Variants in NRCAM observed in about 807,000 individuals in gnomAD.
NRCAM encodes the protein NgCAM-related cell adhesion molecule.
NRCAM carries 83 observed loss-of-function variants against 156.5 expected under a neutral mutation model. The ratio of observed to expected loss-of-function variants is 0.53; its 90% CI spans 0.44 to 0.64. NRCAM has a LOEUF of 0.64. NRCAM is among the 30% of genes least tolerant of loss of function. The pLI is 0.00. For missense variants in NRCAM, 1,417 were observed against 1,597.3 expected (o/e 0.89, Z 1.92); for synonymous variants, 538 against 563.9 (o/e 0.95, Z 0.65).
At chr7:108,177,634 T>C (rs1485057589) in intron 26 of NRCAM, among the ~76,000 whole-genome samples, 1 of 10,122 alleles carries the variant, frequency 9.9e-5, no homozygotes, top group African/African-American at 4.6e-4. Flanking sequence ...AATATATATA[T>C]ATATATATAT....
At chr7:108,400,735 G>C (rs941933859) in intron 1 of NRCAM, among the ~76,000 whole-genome samples, 2 of 152,080 alleles carry the variant, frequency 1.3e-5, no homozygotes, top group African/African-American at 4.8e-5. Context: ...GGAACTCAGA[G>C]TCAAGAGGTA....
chr7:108,371,788 A>G (rs891468249), intron 2 of NRCAM, among the ~76,000 whole-genome samples: 2 of 152,098 alleles, frequency 1.3e-5, no homozygotes, highest in Non-Finnish European at 2.9e-5. Flanking sequence ...TTTACTTGTT[A>G]ATATTACCCA....
At chr7:108,277,821 T>C (rs951747891) in intron 3 of NRCAM, among the ~76,000 whole-genome samples, 4 of 152,224 alleles carry the variant, frequency 2.6e-5, no homozygotes, top group African/African-American at 2.4e-5. Flanking sequence ...AGAGGCCTTC[T>C]GGTTTTTGGA....
intron 1 of NRCAM, among the ~76,000 whole-genome samples, chr7:108,424,857 T>C (rs1412077668): frequency 6.6e-6 from 1 of 152,206 alleles, no homozygotes; most frequent in Non-Finnish European, 1.5e-5. Context: ...AAATATACAT[T>C]ACATTAGTGT....
rs1832407942 is a variant in NRCAM, at chr7:108,436,517, A to G, written c.-332+19726T>C. Among the ~76,000 whole-genome samples, 3 of 152,244 alleles carry G rather than the reference A, an allele frequency of 2.0e-5. No individual in the cohort carries two copies. In the South Asian group the frequency reaches 6.2e-4, roughly 32 times the overall value. ...GGTTGTAGGTTAATTTCTTGGGAAT[A>G]GATTCCAGATTCTTTATGAATTTGC... On this transcript the variant is annotated intron_variant, in intron 1 of 32. Coordinates refer to ENST00000379028, the MANE Select transcript of NRCAM (RefSeq NM_001037132.4).
intron 2 of NRCAM, among the ~76,000 whole-genome samples, chr7:108,364,741 GAC>G (rs1294692560): frequency 5.4e-5 from 7 of 128,974 alleles, no homozygotes; most frequent in Non-Finnish European, 9.6e-5. Flanking sequence ...AAAAAAAAAA[GAC>G]AGTTAAAAAA....
intron 2 of NRCAM, among the ~76,000 whole-genome samples, chr7:108,361,512 T>C (rs913536108): frequency 6.6e-6 from 1 of 152,228 alleles, no homozygotes; most frequent in Non-Finnish European, 1.5e-5. Flanking sequence ...GAATTCTTCC[T>C]GTCTGACAGT....
intron 2 of NRCAM, among the ~76,000 whole-genome samples, chr7:108,347,100 C>T (rs1350612654): frequency 3.2e-5 from 4 of 123,250 alleles, no homozygotes; most frequent in African/African-American, 1.2e-4. Context: ...TGCAGTGGTG[C>T]AATCTCGGCT....
intron 4 of NRCAM, 51 bp downstream of exon 4, chr7:108,239,908 C>T (rs1035602715): frequency 3.6e-6 from 4 of 1,109,254 alleles, no homozygotes; most frequent in Non-Finnish European, 5.5e-6. Context: ...ATGATAAATG[C>T]TGGGAGGCTT....
intron 2 of NRCAM, among the ~76,000 whole-genome samples, chr7:108,339,457 C>T (rs182524972): frequency 6.6e-6 from 1 of 152,274 alleles, no homozygotes; most frequent in East Asian, 1.9e-4. Context: ...TACTTAAGAA[C>T]TGTTTATGGG....
chr7:108,342,674 G>T (rs907135256), intron 2 of NRCAM, among the ~76,000 whole-genome samples: 1 of 152,214 alleles, frequency 6.6e-6, no homozygotes, highest in Non-Finnish European at 1.5e-5. Context: ...CAGGTCCAAG[G>T]GACAAGCCTG....
At chr7:108,318,512 G>C (rs2098959673) in intron 2 of NRCAM, among the ~76,000 whole-genome samples, 1 of 152,152 alleles carries the variant, frequency 6.6e-6, no homozygotes, top group African/African-American at 2.4e-5. Context: ...GTAATATCAG[G>C]AACGTTCCAC....
rs528070997 is a variant in NRCAM at position 108,168,070 on chromosome 7, T to C, written c.3313+207A>G. 4.6e-5 allele frequency among the ~76,000 whole-genome samples: 7 copies of C among 152,354 alleles called. No individual in the cohort carries two copies. The East Asian group carries it at 1.3e-3, about 29-fold the overall frequency. ...ACGTAATGGAACATATGCCCTCTGT[T>C]ATTAATAACATAAAAAAGCAATTCC... is the stretch of plus-strand genomic sequence containing the variant. On this transcript the variant is annotated intron_variant, in intron 29 of 32. Transcript: ENST00000379028.
At chr7:108,413,545 G>A (rs752443391) in intron 1 of NRCAM, among the ~76,000 whole-genome samples, 4 of 151,750 alleles carry the variant, frequency 2.6e-5, no homozygotes, top group South Asian at 2.1e-4. Flanking sequence ...CCTCCTCCAG[G>A]AAGCCCTCCT....
chr7:108,217,760 G>A (rs1465865086), intron 11 of NRCAM, among the ~76,000 whole-genome samples: 2 of 152,154 alleles, frequency 1.3e-5, no homozygotes, highest in South Asian at 2.1e-4. Context: ...AATGGCAGAT[G>A]CCCATACCCC....
intron 3 of NRCAM, among the ~76,000 whole-genome samples, chr7:108,254,389 C>G (rs1035020273): frequency 3.9e-5 from 6 of 152,106 alleles, no homozygotes; most frequent in African/African-American, 1.2e-4. Context: ...TAAGGAAATG[C>G]AAATTGAAAC....
intron 20 of NRCAM, among the ~76,000 whole-genome samples, chr7:108,185,894 T>G (rs1167210469): frequency 6.6e-6 from 1 of 152,138 alleles, no homozygotes. Context: ...CTACAACAAA[T>G]AAACAGACAT....
At chr7:108,415,751 A>G (rs984350427) in intron 1 of NRCAM, among the ~76,000 whole-genome samples, 5 of 152,132 alleles carry the variant, frequency 3.3e-5, no homozygotes, top group Admixed American at 2.6e-4. Flanking sequence ...GCATGGTGGC[A>G]GGCACCTGTA....
chr7:108,299,623 G>A (rs1227721095), intron 3 of NRCAM, among the ~76,000 whole-genome samples: 1 of 152,206 alleles, frequency 6.6e-6, no homozygotes, highest in Non-Finnish European at 1.5e-5. Flanking sequence ...AGAGCCACAT[G>A]TGCAGTGCAA....
Sources: allele counts gnomAD v4.1 joint callset (sites outside exome capture counted in the v4.1 genomes callset), GRCh38; gene constraint gnomAD v4.1.1; transcripts MANE v1.5; gene names NCBI Gene and HGNC (gene_info 2026-07-23, HGNC 2026-07-21).